EMCN: variants seen among roughly 807,000 people sequenced by gnomAD.
The protein encoded by EMCN is endomucin.
EMCN carries 37 observed loss-of-function variants against 38.4 expected under a neutral mutation model. That is an observed-to-expected ratio of 0.96 (90% CI 0.74 to 1.27). The LOEUF (loss-of-function observed/expected upper bound fraction) is 1.27, where lower values mean the gene tolerates loss of function less well. EMCN is among the 50% of genes most tolerant of loss of function. The pLI is 0.00. For synonymous variants in EMCN, 95 were observed against 100.8 expected (o/e 0.94, Z 0.35); for missense variants, 318 against 302.8 (o/e 1.05, Z -0.37).
intron 1 of EMCN, among the ~76,000 whole-genome samples, chr4:100,486,380 G>T (rs1332889661): frequency 6.6e-6 from 1 of 152,098 alleles, no homozygotes. Flanking sequence ...ATTTTGGGAG[G>T]GGAAATCAGG....
intron 1 of EMCN, among the ~76,000 whole-genome samples, chr4:100,510,429 C>A (rs1357397185): frequency 6.6e-6 from 1 of 152,090 alleles, no homozygotes; most frequent in Non-Finnish European, 1.5e-5. Flanking sequence ...TCATTTTTCA[C>A]TTTGCGAGAA....
At chr4:100,429,743 A>C (rs111636287) in intron 5 of EMCN, among the ~76,000 whole-genome samples, 7,036 of 152,170 alleles carry the variant, frequency 0.046, 579 homozygotes, top group African/African-American at 0.16. Flanking sequence ...AAAATTATAT[A>C]TGATAAGAGT....
intron 1 of EMCN, among the ~76,000 whole-genome samples, chr4:100,507,441 TCCTAGAAAGGTAAACATCTCTGCTTA>T (rs935417238): frequency 1.3e-5 from 2 of 152,170 alleles, no homozygotes; most frequent in African/African-American, 4.8e-5. Context: ...TCTAACACTT[TCCTAGAAAGGTAAACATCTCTGCTTA>T]CCTTGTGGGT....
chr4:100,467,017 G>A (rs1262498217), intron 3 of EMCN, among the ~76,000 whole-genome samples: 3 of 151,908 alleles, frequency 2.0e-5, no homozygotes, highest in Non-Finnish European at 2.9e-5. Flanking sequence ...AAGATGTGGA[G>A]GGCTGCCAGA....
At chr4:100,455,219 G>T (rs908974329) in intron 4 of EMCN, among the ~76,000 whole-genome samples, 3 of 151,098 alleles carry the variant, frequency 2.0e-5, no homozygotes, top group Non-Finnish European at 4.4e-5. Context: ...CTCTCATTTT[G>T]GCATTTGTGC....
intron 1 of EMCN, among the ~76,000 whole-genome samples, chr4:100,507,499 A>T (rs1729514852): frequency 6.6e-6 from 1 of 152,164 alleles, no homozygotes; most frequent in East Asian, 1.9e-4. Flanking sequence ...AAAAGAGCAC[A>T]CTGCACATTG....
chr4:100,499,508 T>A (rs562116126), intron 1 of EMCN, among the ~76,000 whole-genome samples: 1 of 152,234 alleles, frequency 6.6e-6, no homozygotes, highest in Non-Finnish European at 1.5e-5. Context: ...CTGAATTAGA[T>A]GGGATTTGAG....
At chr4:100,496,257 G>T (rs891467891) in intron 1 of EMCN, among the ~76,000 whole-genome samples, 61 of 152,158 alleles carry the variant, frequency 4.0e-4, no homozygotes, top group African/African-American at 1.4e-3. Flanking sequence ...GGGTGATAAA[G>T]ATTGAAGTAA....
chr4:100,418,390 G>T (rs1187429430), intron 8 of EMCN, among the ~76,000 whole-genome samples: 1 of 152,104 alleles, frequency 6.6e-6, no homozygotes, highest in Admixed American at 6.6e-5. Flanking sequence ...TATCCTTCGT[G>T]TTACAAACAG....
intron 3 of EMCN, among the ~76,000 whole-genome samples, chr4:100,466,867 T>A (rs1161935513): frequency 1.3e-5 from 2 of 152,148 alleles, no homozygotes; most frequent in African/African-American, 4.8e-5. Flanking sequence ...GAGTTTCTCT[T>A]CAGAAATTTT....
intron 8 of EMCN, among the ~76,000 whole-genome samples, chr4:100,420,299 G>A (rs1726852120): frequency 6.6e-6 from 1 of 151,868 alleles, no homozygotes; most frequent in Non-Finnish European, 1.5e-5. Context: ...ACAATTAAAG[G>A]TAGAATTCAT....
chr4:100,475,670 T>G lies in EMCN; in HGVS notation c.188-561A>C, dbSNP rs997973442. Among the ~76,000 whole-genome samples, 53 of 113,222 alleles carry G rather than the reference T, an allele frequency of 4.7e-4. 1 individual carries two copies. The highest frequency in any genetic ancestry group is 7.1e-4 in the Non-Finnish European group (39 of 54,946). The allele number at this position is 113,222 out of a possible 152,430, so 74.3% of individuals were successfully genotyped here. ...ATCCAATTCTAGTCCTTTTTTTTTT[T>G]TTTTTTTTTTTTTTTTTTTTTTTTG... On this transcript the variant is annotated intron_variant, in intron 2 of 11. Coordinates refer to ENST00000296420, the MANE Select transcript of EMCN (RefSeq NM_016242.4).
rs536768844 is a variant in EMCN, at chr4:100,403,697, A to G, written c.*40-5324T>C. Among the ~76,000 whole-genome samples the G allele has an allele frequency of 7.9e-5, 12 of 152,244 alleles. No homozygotes were observed. The South Asian group carries it at 8.3e-4, about 11-fold the overall frequency. On this transcript the variant is annotated intron_variant, in intron 11 of 11. Transcript: ENST00000296420. ...TCATTTACATTCTCACCTGCAGTGT[A>G]TAAGCATTCCCTTTTCTCTACAACC...
chr4:100,514,126 G>C (rs1729695626), intron 1 of EMCN, among the ~76,000 whole-genome samples: 1 of 151,862 alleles, frequency 6.6e-6, no homozygotes, highest in South Asian at 2.1e-4. Flanking sequence ...CTGGCTCCAG[G>C]GGCATACCGA....
At chr4:100,495,079 G>A (rs780053408) in intron 1 of EMCN, among the ~76,000 whole-genome samples, 17 of 152,010 alleles carry the variant, frequency 1.1e-4, no homozygotes, top group Non-Finnish European at 2.1e-4. Flanking sequence ...AAAAGTGAGC[G>A]TGAGAACTTA....
At chr4:100,405,231 C>G (rs537009832) in intron 11 of EMCN, among the ~76,000 whole-genome samples, 31 of 152,188 alleles carry the variant, frequency 2.0e-4, no homozygotes, top group African/African-American at 7.5e-4. Flanking sequence ...ACTGCTCTGG[C>G]TATGACTCCC....
intron 5 of EMCN, 101 bp downstream of exon 5, chr4:100,447,432 G>T (rs1727705748): frequency 1.3e-6 from 1 of 799,380 alleles, no homozygotes; most frequent in Non-Finnish European, 2.1e-6. Flanking sequence ...TTTCCCTTGT[G>T]CTATTTCTCC....
intron 1 of EMCN, among the ~76,000 whole-genome samples, chr4:100,493,700 C>T (rs542866621): frequency 1.3e-5 from 2 of 152,112 alleles, no homozygotes; most frequent in Admixed American, 6.6e-5. Flanking sequence ...TTATTTTACA[C>T]GGGGGTTGTT....
intron 1 of EMCN, among the ~76,000 whole-genome samples, chr4:100,494,897 A>G (rs1425062360): frequency 6.6e-6 from 1 of 152,062 alleles, no homozygotes; most frequent in Admixed American, 6.6e-5. Flanking sequence ...CACCCTTTGC[A>G]TTACTGTGAT....
Sources: allele counts gnomAD v4.1 joint callset (sites outside exome capture counted in the v4.1 genomes callset), GRCh38; gene constraint gnomAD v4.1.1; transcripts MANE v1.5; gene names NCBI Gene and HGNC (gene_info 2026-07-23, HGNC 2026-07-21).